The following GPHN variants were observed in gnomAD, a reference collection of about 807,000 sequenced individuals.
The protein encoded by GPHN is gephyrin.
A neutral mutation model predicts 95.5 loss-of-function variants in GPHN; 17 were observed. The observed-to-expected ratio is 0.18, with a 90% CI of 0.12 to 0.27. The LOEUF (loss-of-function observed/expected upper bound fraction) is 0.27. Ranked by LOEUF, GPHN falls within the 10% of genes least tolerant of loss-of-function variation. The pLI is 1.00. For missense variants in GPHN, 660 were observed against 978.1 expected, an observed-to-expected ratio of 0.67 and a Z score of 4.34; for synonymous variants, 320 against 322.5, an observed-to-expected ratio of 0.99 and a Z score of 0.08.
the GPHN span, among the ~76,000 whole-genome samples, chr14:67,273,097 A>C: frequency 2.0e-5 from 3 of 149,346 alleles, no homozygotes; most frequent in African/African-American, 5.0e-5. Flanking sequence ...TCTATGCTTC[A>C]GTAGGAGTGA....
chr14:66,846,624 A>G (rs1345112821), intron 4 of GPHN, among the ~76,000 whole-genome samples: 3 of 152,200 alleles, frequency 2.0e-5, no homozygotes, highest in Non-Finnish European at 2.9e-5. Flanking sequence ...ATTACAACTT[A>G]TCACAGCTGA....
At chr14:67,392,405 ATCT>A in the GPHN span, 1 of 1,613,664 alleles carries the variant, frequency 6.2e-7, no homozygotes, top group Non-Finnish European at 8.5e-7. Flanking sequence ...CTTGGGGCTT[ATCT>A]TCTTTTTGTA....
chr14:67,228,750 T>G, the GPHN span, among the ~76,000 whole-genome samples: 1 of 152,206 alleles, frequency 6.6e-6, no homozygotes, highest in African/African-American at 2.4e-5. Context: ...CATTTGTATA[T>G]TAGTCCAACA....
At chr14:67,569,337 T>C in the GPHN span, 1 of 642,232 alleles carries the variant, frequency 1.6e-6, no homozygotes, top group Non-Finnish European at 2.7e-6. Flanking sequence ...CCTGTTCCCC[T>C]CCCCAGCAGG....
At chr14:67,149,354 G>T (rs946406887) in intron 18 of GPHN, among the ~76,000 whole-genome samples, 1 of 152,106 alleles carries the variant, frequency 6.6e-6, no homozygotes, top group African/African-American at 2.4e-5. Context: ...CAAAAAAGAA[G>T]AAAAGAAGTT....
At chr14:67,579,396 C>A in the GPHN span, 1 of 1,112,678 alleles carries the variant, frequency 9.0e-7, no homozygotes, top group Non-Finnish European at 1.2e-6. Flanking sequence ...TCAGGCTTGG[C>A]AGATTGTTCA....
In GPHN at chr14:66,924,198, A is replaced by T; in HGVS notation, c.734A>T (p.His245Leu). Residue 245 changes from histidine to leucine, a missense_variant, in exon 8 of 23, where the codon CAT becomes CTT. Transcript: ENST00000478722. ...ITAAAIAAKK[H>L]PFYTSPAVVM... ...TTGTTATGTGTTGTGCATTAGAAGC[A>T]TCCATTCTACACCAGTCCTGCTGTT... 6.3e-7 allele frequency: 1 copy of T among 1,577,698 alleles called. No homozygotes were observed. Among genetic ancestry groups the T allele is most frequent in the Non-Finnish European group, 8.7e-7 (1 of 1,146,830 alleles).
At chr14:66,657,512 T>C (rs1293551498) in intron 1 of GPHN, among the ~76,000 whole-genome samples, 1 of 152,190 alleles carries the variant, frequency 6.6e-6, no homozygotes, top group Non-Finnish European at 1.5e-5. Flanking sequence ...AGATAAGATA[T>C]CAATGCCTGG....
the GPHN span, among the ~76,000 whole-genome samples, chr14:67,631,435 T>TC: frequency 7.9e-6 from 1 of 126,992 alleles, no homozygotes; most frequent in Non-Finnish European, 1.6e-5. Context: ...TCTTTCTTTC[T>TC]TTTTTTTTTT....
At chr14:67,395,766 C>A in the GPHN span, among the ~76,000 whole-genome samples, 4 of 152,172 alleles carry the variant, frequency 2.6e-5, no homozygotes, top group African/African-American at 4.8e-5. Context: ...AGGAAGCTTG[C>A]GGCCTCACAC....
intron 3 of GPHN, among the ~76,000 whole-genome samples, chr14:66,811,546 CAAA>C (rs778914403): frequency 4.6e-5 from 4 of 87,126 alleles, no homozygotes; most frequent in Admixed American, 1.2e-4. Context: ...TTACATTCAG[CAAA>C]AAAAAAAAAA....
chr14:66,547,291 A>G (rs1251728962), intron 1 of GPHN, among the ~76,000 whole-genome samples: 1 of 152,222 alleles, frequency 6.6e-6, no homozygotes, highest in Admixed American at 6.5e-5. Context: ...AGTTTCTGGT[A>G]TATAGTTGAT....
rs143364693 is a variant in GPHN at position 66,858,687 on chromosome 14, A to G, written c.295-21252A>G. 3.0e-3 allele frequency among the ~76,000 whole-genome samples: 457 copies of G among 152,156 alleles called. 3 individuals are homozygous for G. Among genetic ancestry groups the G allele is most frequent in the African/African-American group, 0.011 (439 of 41,534 alleles). On this transcript the variant is annotated intron_variant, in intron 4 of 22. Transcript: ENST00000478722. The stretch of plus-strand genomic sequence containing the variant: ...GTCTTGCACCTTAGGGGAGTAGAGC[A>G]CCAAGTGGGCTCTTGGGGACCTGAT...
chr14:67,535,760 AAC>A, the GPHN span, among the ~76,000 whole-genome samples: 2 of 152,186 alleles, frequency 1.3e-5, no homozygotes, highest in African/African-American at 4.8e-5. Context: ...TTACAACAAT[AAC>A]AGTCATTTAT....
intron 1 of GPHN, among the ~76,000 whole-genome samples, chr14:66,579,566 A>G (rs1000878024): frequency 1.3e-5 from 2 of 151,878 alleles, no homozygotes; most frequent in African/African-American, 4.8e-5. Context: ...TTATACTTAG[A>G]TGAAATAGAC....
intron 20 of GPHN, among the ~76,000 whole-genome samples, chr14:67,166,662 T>TTTTGTTTGTTTG (rs113684530): frequency 2.0e-5 from 3 of 152,032 alleles, no homozygotes; most frequent in Non-Finnish European, 4.4e-5. Flanking sequence ...GTTTTGTGTT[T>TTTTGTTTGTTTG]TTTGTTTGTT....
At chr14:66,759,400 GC>G (rs1435053166) in intron 2 of GPHN, among the ~76,000 whole-genome samples, 1 of 152,210 alleles carries the variant, frequency 6.6e-6, no homozygotes, top group Non-Finnish European at 1.5e-5. Context: ...TCTACTCAAA[GC>G]CTTGGTAAAA....
At chr14:67,396,514 CT>C in the GPHN span, among the ~76,000 whole-genome samples, 1 of 127,844 alleles carries the variant, frequency 7.8e-6, no homozygotes, top group Non-Finnish European at 1.5e-5. Context: ...TTACCTCCAT[CT>C]GGCCCAAACC....
chr14:66,923,072 CATGACACTCCACT>C (rs944262909), intron 7 of GPHN, 134 bp downstream of exon 7: 1 of 743,944 alleles, frequency 1.3e-6, no homozygotes, highest in African/African-American at 1.7e-5. Flanking sequence ...GTGGGATGTC[CATGACACTCCACT>C]ACTATGTTTC....
Sources: gnomAD v4.1 joint callset for allele counts (sites outside exome capture counted in the v4.1 genomes callset) on GRCh38, gnomAD v4.1.1 for gene constraint, MANE v1.5 for transcripts, NCBI Gene and HGNC (gene_info 2026-07-23, HGNC 2026-07-21) for gene names.